The following MGA variants were observed in gnomAD, a reference collection of about 807,000 sequenced individuals.
MGA encodes MAX gene-associated protein.
MGA carries 40 observed loss-of-function variants against 261.1 expected under a neutral mutation model. The ratio of observed to expected loss-of-function variants is 0.15; its 90% CI spans 0.12 to 0.20. The LOEUF (loss-of-function observed/expected upper bound fraction) is 0.20. MGA is among the 10% of genes least tolerant of loss of function. MGA has a pLI of 1.00. For synonymous variants in MGA, 1,302 were observed against 1,290.6 expected, an observed-to-expected ratio of 1.01 and a Z score of -0.19; for missense variants, 3,397 against 3,630.5, an observed-to-expected ratio of 0.94 and a Z score of 1.65.
intron 1 of MGA, among the ~76,000 whole-genome samples, chr15:41,633,611 C>T (rs938651379): frequency 1.3e-5 from 2 of 152,056 alleles, no homozygotes; most frequent in East Asian, 1.9e-4. Flanking sequence ...TTAGTAGAGA[C>T]GGGTTTTTGC....
At chr15:41,642,459 G>A (rs9788733) in intron 1 of MGA, among the ~76,000 whole-genome samples, 22,866 of 151,298 alleles carry the variant, frequency 0.15, 2,621 homozygotes, top group East Asian at 0.68. Flanking sequence ...ACAGGTGCCC[G>A]CCACTACTCC....
intron 1 of MGA, among the ~76,000 whole-genome samples, chr15:41,628,335 C>T (rs2056506789): frequency 1.4e-5 from 2 of 148,136 alleles, no homozygotes; most frequent in Admixed American, 6.8e-5. Flanking sequence ...CCACTGCTCT[C>T]CAGCCTGGGT....
intron 1 of MGA, among the ~76,000 whole-genome samples, chr15:41,634,807 G>GA (rs924253905): frequency 3.3e-5 from 5 of 152,172 alleles, no homozygotes; most frequent in African/African-American, 1.2e-4. Context: ...TAAAGAGAGG[G>GA]AGGGAGGGTT....
chr15:41,760,348 A>C lies in MGA; in HGVS notation c.7217A>C (p.Lys2406Thr), dbSNP rs1276610165. ...GCTCCACCAATTCCTCTAAAACTGA[A>C]GCCTGATTACTGGAGTGACAAACTA... The change falls in exon 20 of 24, where the codon AAG becomes ACG. Residue 2406 changes from lysine (K) to threonine (T), a missense_variant. Physicochemically the swap from Lys to Thr is moderately conservative, Grantham distance 78. Transcript: ENST00000219905. 3 of 1,614,038 alleles carry C rather than the reference A, an allele frequency of 1.9e-6. No homozygotes were observed. The South Asian group carries it at 3.3e-5, about 18-fold the overall frequency.
At chr15:41,691,058 C>G (rs2059259336) in intron 2 of MGA, among the ~76,000 whole-genome samples, 2 of 136,786 alleles carry the variant, frequency 1.5e-5, no homozygotes, top group African/African-American at 5.3e-5. Context: ...TCAGTTTGTC[C>G]CTTTCTGAAA....
chr15:41,726,381 A>T (rs546858362), intron 9 of MGA, among the ~76,000 whole-genome samples: 21 of 152,334 alleles, frequency 1.4e-4, no homozygotes, highest in African/African-American at 4.8e-4. Flanking sequence ...CTATTGAATA[A>T]TAAGGTTCAG....
At chr15:41,736,043 G>T in intron 12 of MGA, 138 bp from the exon 13 acceptor site, 1 of 791,814 alleles carries the variant, frequency 1.3e-6, no homozygotes. Flanking sequence ...CTCCCAAATT[G>T]TGAAAGTTGA....
At chr15:41,695,996 C>CTTTTTTTTTTTTTTTTTTTTTTTTTTTT in intron 2 of MGA, 79 bp from the exon 3 acceptor site, 1 of 870,356 alleles carries the variant, frequency 1.1e-6, no homozygotes. Context: ...TTCCTAACAT[C>CTTTTTTTTTTTTTTTTTTTTTTTTTTTT]TTTTTTTTTT....
At chr15:41,688,506 C>T (rs981368461) in intron 2 of MGA, among the ~76,000 whole-genome samples, 1 of 152,196 alleles carries the variant, frequency 6.6e-6, no homozygotes, top group African/African-American at 2.4e-5. Flanking sequence ...CATTGCGACT[C>T]TTTTAAATAG....
chr15:41,702,279 C>T (rs563376852), intron 5 of MGA, among the ~76,000 whole-genome samples: 4 of 150,860 alleles, frequency 2.7e-5, no homozygotes, highest in Admixed American at 6.6e-5. Flanking sequence ...GCCGAGATCG[C>T]GCCACCACAC....
Position 41,760,468 on chromosome 15 carries a change from T to G in MGA, c.7337T>G (p.Leu2446Ter). Residue 2446 changes from leucine (L) to a stop codon, truncating the protein, a stop_gained, in exon 20 of 24, where the codon TTA becomes TGA. Coordinates refer to ENST00000219905, the MANE Select transcript of MGA (RefSeq NM_001164273.2). LOFTEE classifies it high-confidence loss of function. ...GAAATGAGGGATCTCTTTGAGAAAT[T>G]AAAGATCACATTGGGATTACTTCAT... The G allele has an allele frequency of 6.2e-7, 1 of 1,614,036 alleles. No homozygotes were observed. The highest frequency in any genetic ancestry group is 8.5e-7 in the Non-Finnish European group (1 of 1,179,896).
In MGA at chr15:41,736,220, C is replaced by G; in HGVS notation, c.3956C>G (p.Ser1319Cys). The G allele has an allele frequency of 6.2e-7, 1 of 1,607,440 alleles. No individual in the cohort carries two copies. The highest frequency in any genetic ancestry group is 8.5e-7 in the Non-Finnish European group (1 of 1,176,598). ...TCTTCCTGCAATGAAGGAGAATCCT[C>G]TTCTACTTCTTATATGCATCAGAGG... is the stretch of plus-strand genomic sequence containing the variant. The change falls in exon 13 of 24, where the codon TCT (serine) becomes TGT (cysteine). Residue 1319 changes from serine (S) to cysteine (C), a missense_variant. Physicochemically the swap from Ser to Cys is moderately radical, Grantham distance 112. Coordinates refer to ENST00000219905, the MANE Select transcript of MGA (RefSeq NM_001164273.2).
intron 9 of MGA, 109 bp downstream of exon 9, chr15:41,713,605 C>G: frequency 7.9e-7 from 1 of 1,267,122 alleles, no homozygotes; most frequent in Non-Finnish European, 1.1e-6. Flanking sequence ...CCAATAAGAG[C>G]TTTGAGACTT....
Position 41,766,435 on chromosome 15 carries a change from G to A in MGA, c.8353G>A (p.Asp2785Asn), listed in dbSNP as rs1248773712. Residue 2785 changes from aspartate (D) to asparagine (N), a missense_variant, in exon 24 of 24, where the codon GAC (aspartate) becomes AAC (asparagine). Physicochemically the swap from Asp to Asn is conservative, Grantham distance 23. Around this residue, in one of 9 missense-constraint regions of MGA, gnomAD observed 647 missense variants for 642.4 expected, o/e 1.01. Coordinates refer to ENST00000219905, the MANE Select transcript of MGA (RefSeq NM_001164273.2). ...TAAATTAAAGATGAAAGATCTCAAG[G>A]ACTCAAGCATAGAGATGGAACTGAG... The A allele has an allele frequency of 6.2e-7, 1 of 1,613,920 alleles. No individual in the cohort carries two copies. The highest frequency in any genetic ancestry group is 1.7e-5 in the Admixed American group (1 of 60,014).
At position 41,740,193 on chromosome 15, in the gene MGA, A is replaced by G; in HGVS notation, c.4575A>G (p.Lys1525=). The G allele has an allele frequency of 1.2e-6, 2 of 1,613,814 alleles. No homozygotes were observed. Among genetic ancestry groups the G allele is most frequent in the Non-Finnish European group, 1.7e-6 (2 of 1,179,750 alleles). Residue 1525 remains lysine, a synonymous_variant, in exon 14 of 24, where the codon AAA becomes AAG. Coordinates refer to ENST00000219905, the MANE Select transcript of MGA (RefSeq NM_001164273.2). ...ATCTGAAGGCGTTTGTCCCAGCAAAACGGCCAATTGGTAAGTTGGGGTGTA... is the reference window on the plus strand; with the variant it reads ...ATCTGAAGGCGTTTGTCCCAGCAAAGCGGCCAATTGGTAAGTTGGGGTGTA...
chr15:41,716,417 G>C (rs2060639387), intron 9 of MGA, among the ~76,000 whole-genome samples: 1 of 151,994 alleles, frequency 6.6e-6, no homozygotes. Flanking sequence ...TTGTGCCACT[G>C]CACTCCAGCC....
At chr15:41,711,471 C>T in intron 8 of MGA, 122 bp downstream of exon 8, 1 of 993,358 alleles carries the variant, frequency 1.0e-6, no homozygotes, top group Non-Finnish European at 1.4e-6. Flanking sequence ...CATTTAGAAC[C>T]TTCATGGGAA....
At chr15:41,736,137 A>G in intron 12 of MGA, 44 bp from the exon 13 acceptor site, 1 of 1,413,626 alleles carries the variant, frequency 7.1e-7, no homozygotes, top group South Asian at 1.6e-5. Flanking sequence ...GTGATGCAGA[A>G]ATAATCTTTC....
At chr15:41,723,579 C>T (rs1399425643) in intron 9 of MGA, among the ~76,000 whole-genome samples, 1 of 152,064 alleles carries the variant, frequency 6.6e-6, no homozygotes, top group Non-Finnish European at 1.5e-5. Context: ...CCATGCCCAG[C>T]TAAAGCTTTT....
Sources: allele counts gnomAD v4.1 joint callset (sites outside exome capture counted in the v4.1 genomes callset), GRCh38; gene constraint gnomAD v4.1.1; regional missense constraint gnomAD v4.1.1; transcripts MANE v1.5; gene names NCBI Gene and HGNC (gene_info 2026-07-23, HGNC 2026-07-21).